Variants in ELF3 observed in about 807,000 individuals in gnomAD.
ELF3 encodes the protein E74 like ETS transcription factor 3, also known as ETS-related transcription factor Elf-3.
A neutral mutation model predicts 43.9 loss-of-function variants in ELF3; 18 were observed. The observed-to-expected ratio is 0.41, with a 90% CI of 0.28 to 0.61. ELF3 has a LOEUF of 0.61. ELF3 is among the 20% of genes least tolerant of loss of function. ELF3 has a pLI of 0.30. For missense variants in ELF3, 373 were observed against 487.7 expected, an observed-to-expected ratio of 0.76 and a Z score of 2.21; for synonymous variants, 181 against 190.2, an observed-to-expected ratio of 0.95 and a Z score of 0.40.
At position 202,013,409 on chromosome 1, in the gene ELF3, C is replaced by A. The variant is rs545922463; in HGVS notation, c.805+111C>A. The A allele has an allele frequency of 8.0e-5, 90 of 1,118,238 alleles. No individual in the cohort carries two copies. The African/African-American group carries it at 1.4e-3, about 17-fold the overall frequency. The allele number at this position is 1,118,238 out of a possible 1,614,324, so 69.3% of individuals were successfully genotyped here. ...CCCGTTTTCTCTGGCCTCCGCATGG[C>A]CTTTGGTAAGGCTGTGCACAAGCTG... On this transcript the variant is annotated intron_variant, in intron 7 of 8. Coordinates refer to ENST00000367284, the MANE Select transcript of ELF3 (RefSeq NM_004433.5). This position sits in a 1 kb window ranked among gnomAD's most constrained non-coding sequence, Gnocchi z 5.7.
chr1:202,013,340 A>G lies in ELF3; in HGVS notation c.805+42A>G. 1 of 1,591,464 alleles carries G rather than the reference A, an allele frequency of 6.3e-7. No individual in the cohort carries two copies. Among genetic ancestry groups the G allele is most frequent in the Non-Finnish European group, 8.6e-7 (1 of 1,163,368 alleles). ...CGTGGGTCCTCCCTGCGCCGGGCTG[A>G]GCGGCTTCCTGGGGCACTGCGGGTT... On this transcript the variant is annotated intron_variant, in intron 7 of 8. Transcript: ENST00000367284. This position sits in a 1 kb window ranked among gnomAD's most constrained non-coding sequence, Gnocchi z 5.7.
rs541987738 is a variant in ELF3 at position 202,015,218 on chromosome 1, C to T, written c.1011C>T (p.Tyr337=). 6 of 1,614,024 alleles carry T rather than the reference C, an allele frequency of 3.7e-6. No homozygotes were observed. The highest frequency in any genetic ancestry group is 5.1e-6 in the Non-Finnish European group (6 of 1,180,026). The change falls in exon 9 of 9, where the codon TAC becomes TAT. Residue 337 remains tyrosine, a synonymous_variant. Transcript: ENST00000367284. ...CCTTCTCTTCACCCAGGTACTACTA[C>T]AAACGGGAGATCCTGGAACGGGTGG... ...EKLSRAMRYY[Y]KREILERVDG...
intron 2 of ELF3, chr1:202,011,506 A>C (rs574455288): frequency 3.7e-4 from 218 of 588,808 alleles, no homozygotes; most frequent in Non-Finnish European, 5.7e-4. Context: ...GGTGTTGTGA[A>C]TGCTACCTCC....
rs917623772 is a variant in ELF3 at position 202,015,249 on chromosome 1, C to T, written c.1042C>T (p.Arg348Trp). Residue 348 changes from arginine to tryptophan, a missense_variant, in exon 9 of 9, where the codon CGG becomes TGG. Physicochemically the swap from Arg to Trp is moderately radical, Grantham distance 101. Around this residue, in one of 3 missense-constraint regions of ELF3, gnomAD observed 61 missense variants for 115.9 expected, o/e 0.53. Transcript: ENST00000367284. ...GGAGATCCTGGAACGGGTGGATGGCCGGCGACTCGTCTACAAGTTTGGCAA... is the reference window on the plus strand; with the variant it reads ...GGAGATCCTGGAACGGGTGGATGGCTGGCGACTCGTCTACAAGTTTGGCAA... ...KREILERVDG[R>W]RLVYKFGKNS... 2 of 1,614,028 alleles carry T rather than the reference C, an allele frequency of 1.2e-6. No homozygotes were observed. Among genetic ancestry groups the T allele is most frequent in the Non-Finnish European group, 8.5e-7 (1 of 1,180,016 alleles).
Position 202,016,926 on chromosome 1 carries a change from C to T in ELF3, c.*1603C>T, listed in dbSNP as rs887163247. ...GAAGCTTTTCCTGGTGTGGGCGCTT[C>T]TAACCTAATCCTCAATCGATTCCAG... is the stretch of plus-strand genomic sequence containing the variant. On this transcript the variant is annotated 3_prime_UTR_variant, in exon 9 of 9. Transcript: ENST00000367284. 1 of 152,200 alleles carries T rather than the reference C, an allele frequency of 6.6e-6. No homozygotes were observed. Among genetic ancestry groups the T allele is most frequent in the Non-Finnish European group, 1.5e-5 (1 of 68,044 alleles). The allele number at this position is 152,200 out of a possible 1,614,324, so 9.4% of individuals were successfully genotyped here.
In ELF3 at chr1:202,013,165, C is replaced by T. The variant is rs1237715192; in HGVS notation, c.689-17C>T. ...CCCCTCTTGCCCCTCCTTGACCTTC[C>T]ACCACCGTCCCCACAGATGGTTTTC... On this transcript the variant is annotated splice_polypyrimidine_tract_variant and intron_variant, in intron 6 of 8. Coordinates refer to ENST00000367284, the MANE Select transcript of ELF3 (RefSeq NM_004433.5). This position sits in a 1 kb window ranked among gnomAD's most constrained non-coding sequence, Gnocchi z 5.7. 2 of 1,613,196 alleles carry T rather than the reference C, an allele frequency of 1.2e-6. No homozygotes were observed. Among genetic ancestry groups the T allele is most frequent in the African/African-American group, 1.3e-5 (1 of 74,896 alleles).
In ELF3 at chr1:202,010,794, T is replaced by A. The variant is rs1684174723; in HGVS notation, c.-9+88T>A. 7.6e-6 allele frequency: 2 copies of A among 263,204 alleles called. No individual in the cohort carries two copies. The highest frequency in any genetic ancestry group is 8.7e-5 in the South Asian group (2 of 22,888). 16.3% of individuals were successfully genotyped at this position (263,204 alleles called of 1,614,324 possible). A position where few individuals can be genotyped will look rare whatever the true frequency, so the allele number is the denominator to read the frequency against. ...GATTTGCAGTTCTGAACCTGCACAC[T>A]CCAGTCTAGGATCTCCGAGCAAGAG... is the stretch of plus-strand genomic sequence containing the variant. On this transcript the variant is annotated intron_variant, in intron 1 of 8. Coordinates refer to ENST00000367284, the MANE Select transcript of ELF3 (RefSeq NM_004433.5). This position sits in a 1 kb window ranked among gnomAD's most constrained non-coding sequence, Gnocchi z 4.3.
rs780777010 is a variant in ELF3, at chr1:202,012,616, T to C, written c.479-24T>C. 6.4e-7 allele frequency: 1 copy of C among 1,563,740 alleles called. No individual in the cohort carries two copies. Among genetic ancestry groups the C allele is most frequent in the Non-Finnish European group, 8.7e-7 (1 of 1,154,672 alleles). The stretch of plus-strand genomic sequence containing the variant: ...CTGGTCTGGTCCCCTGAGCCCTCTC[T>C]GAGTTCTCACCTCCTCTTCCCAGAC... On this transcript the variant is annotated intron_variant, in intron 4 of 8. Transcript: ENST00000367284. This position sits in a 1 kb window ranked among gnomAD's most constrained non-coding sequence, Gnocchi z 4.2.
Position 202,010,892 on chromosome 1 carries a change from G to C in ELF3, c.-9+186G>C. On this transcript the variant is annotated intron_variant, in intron 1 of 8. Coordinates refer to ENST00000367284, the MANE Select transcript of ELF3 (RefSeq NM_004433.5). The surrounding 1 kb of genome is among the most constrained non-coding windows in gnomAD (Gnocchi z 4.3). Reference sequence around the variant, plus strand: ...AGGCAGAATGGCCATGACGCCGCTAGTCTGGCTCCAGGGCCCCAGAGATCT... The same window carrying C: ...AGGCAGAATGGCCATGACGCCGCTACTCTGGCTCCAGGGCCCCAGAGATCT... The C allele has an allele frequency of 1.9e-6, 1 of 524,090 alleles. No individual in the cohort carries two copies. The highest frequency in any genetic ancestry group is 2.2e-5 in the South Asian group (1 of 44,488). The allele number at this position is 524,090 out of a possible 1,614,324, so 32.5% of individuals were successfully genotyped here.
chr1:202,014,035 G>T lies in ELF3; in HGVS notation c.1001+11G>T. The T allele has an allele frequency of 6.2e-7, 1 of 1,601,108 alleles. No individual in the cohort carries two copies. The highest frequency in any genetic ancestry group is 8.5e-7 in the Non-Finnish European group (1 of 1,171,026). On this transcript the variant is annotated intron_variant, in intron 8 of 8. Transcript: ENST00000367284. The stretch of plus-strand genomic sequence containing the variant: ...GAGCCGGGCCATGAGGTGAGCTGGC[G>T]GCCAGGACCCTCACGATACAGCCGG...
At chr1:202,014,199 T>C (rs1009202438) in intron 8 of ELF3, among the ~76,000 whole-genome samples, 175 bp downstream of exon 8, 7 of 152,194 alleles carry the variant, frequency 4.6e-5, no homozygotes, top group African/African-American at 1.7e-4. Context: ...ATGGAGAAAG[T>C]ATTAGCCTGG....
In ELF3 at chr1:202,013,619, C is replaced by A. The variant is rs1348639464; in HGVS notation, c.806-210C>A. ...GCCACTGTCCTGCCCTCTGGGACAC[C>A]CTCAATGTGAGGAGGCAGCTGGTGG... On this transcript the variant is annotated intron_variant, in intron 7 of 8. Transcript: ENST00000367284. The surrounding 1 kb of genome is among the most constrained non-coding windows in gnomAD (Gnocchi z 5.7). 6.6e-6 allele frequency among the ~76,000 whole-genome samples: 1 copy of A among 152,156 alleles called. No homozygotes were observed. Among genetic ancestry groups the A allele is most frequent in the East Asian group, 1.9e-4 (1 of 5,176 alleles).
Position 202,012,578 on chromosome 1 carries a change from A to C in ELF3, c.479-62A>C. 2 of 1,553,384 alleles carry C rather than the reference A, an allele frequency of 1.3e-6. No homozygotes were observed. Among genetic ancestry groups the C allele is most frequent in the Non-Finnish European group, 1.7e-6 (2 of 1,150,572 alleles). The stretch of plus-strand genomic sequence containing the variant: ...GCAGCAGGTCATCAGACCCATGGGC[A>C]GCATCACCTGTCCTGGTCTGGTCCC... On this transcript the variant is annotated intron_variant, in intron 4 of 8. Coordinates refer to ENST00000367284, the MANE Select transcript of ELF3 (RefSeq NM_004433.5). This position sits in a 1 kb window ranked among gnomAD's most constrained non-coding sequence, Gnocchi z 4.2.
chr1:202,010,851 G>T lies in ELF3; in HGVS notation c.-9+145G>T. 1 of 428,938 alleles carries T rather than the reference G, an allele frequency of 2.3e-6. No individual in the cohort carries two copies. The highest frequency in any genetic ancestry group is 2.5e-5 in the South Asian group (1 of 40,310). The allele number at this position is 428,938 out of a possible 1,614,324, so 26.6% of individuals were successfully genotyped here. A position where few individuals can be genotyped will look rare whatever the true frequency, so the allele number is the denominator to read the frequency against. On this transcript the variant is annotated intron_variant, in intron 1 of 8. Coordinates refer to ENST00000367284, the MANE Select transcript of ELF3 (RefSeq NM_004433.5). The surrounding 1 kb of genome is among the most constrained non-coding windows in gnomAD (Gnocchi z 4.3). ...TGTCCTGAGGGTCAAAGAACAGAGAGAGATTGTCTCTGGGAAGGCAGAATG... is the reference window on the plus strand; with the variant it reads ...TGTCCTGAGGGTCAAAGAACAGAGATAGATTGTCTCTGGGAAGGCAGAATG...
rs1265370267 is a variant in ELF3 at position 202,016,870 on chromosome 1, T to C, written c.*1547T>C. On this transcript the variant is annotated 3_prime_UTR_variant, in exon 9 of 9. Coordinates refer to ENST00000367284, the MANE Select transcript of ELF3 (RefSeq NM_004433.5). Reference sequence around the variant, plus strand: ...GATGCAGAAAGAGGTTCCACAGGTGTGCCTTGATTCTGTCCTAAAACCGTT... The same window carrying C: ...GATGCAGAAAGAGGTTCCACAGGTGCGCCTTGATTCTGTCCTAAAACCGTT... 2 of 152,194 alleles carry C rather than the reference T, an allele frequency of 1.3e-5. No individual in the cohort carries two copies. Among genetic ancestry groups the C allele is most frequent in the Non-Finnish European group, 2.9e-5 (2 of 68,048 alleles). The allele number at this position is 152,194 out of a possible 1,614,324, so 9.4% of individuals were successfully genotyped here. A position where few individuals can be genotyped will look rare whatever the true frequency, so the allele number is the denominator to read the frequency against.
chr1:202,015,821 A>G lies in ELF3; in HGVS notation c.*498A>G, dbSNP rs1684299500. 1 of 165,312 alleles carries G rather than the reference A, an allele frequency of 6.0e-6. No individual in the cohort carries two copies. Among genetic ancestry groups the G allele is most frequent in the Admixed American group, 5.5e-5 (1 of 18,038 alleles). 10.2% of individuals were successfully genotyped at this position (165,312 alleles called of 1,614,324 possible). ...AATTTATGTGCTATATAAATATGTC[A>G]GATGTACATAGAGATCTATTTTTTC... On this transcript the variant is annotated 3_prime_UTR_variant, in exon 9 of 9. Transcript: ENST00000367284.
Position 202,013,225 on chromosome 1 carries a change from G to T in ELF3, c.732G>T (p.Lys244Asn), listed in dbSNP as rs1429255331. The T allele has an allele frequency of 6.2e-7, 1 of 1,614,014 alleles. No individual in the cohort carries two copies. The highest frequency in any genetic ancestry group is 8.5e-7 in the Non-Finnish European group (1 of 1,180,020). The change falls in exon 7 of 9, where the codon AAG becomes AAT. Residue 244 changes from lysine to asparagine, a missense_variant. Around this residue, in one of 3 missense-constraint regions of ELF3, gnomAD observed 311 missense variants for 351.2 expected, o/e 0.89. Transcript: ENST00000367284. This position sits in a 1 kb window ranked among gnomAD's most constrained non-coding sequence, Gnocchi z 5.7. ...AGAAGGGGGATCCCAAGCACGGGAA[G>T]CGGAAACGAGGCCGGCCCCGAAAGC... ...DCKKGDPKHG[K>N]RKRGRPRKLS... is the part of the protein sequence containing the mutation.
Position 202,015,750 on chromosome 1 carries a change from C to T in ELF3, c.*427C>T. 1 of 195,804 alleles carries T rather than the reference C, an allele frequency of 5.1e-6. No homozygotes were observed. 12.1% of individuals were successfully genotyped at this position (195,804 alleles called of 1,614,324 possible). ...TTCTTTCTGGACTGGCGTTCACCTC[C>T]CTGCTCAGTGCTTGGGCTCCACGGG... On this transcript the variant is annotated 3_prime_UTR_variant, in exon 9 of 9. Coordinates refer to ENST00000367284, the MANE Select transcript of ELF3 (RefSeq NM_004433.5).
rs140187152 is a variant in ELF3 at position 202,013,190 on chromosome 1, C to T, written c.697C>T (p.Arg233Cys). The T allele has an allele frequency of 5.6e-6, 9 of 1,614,014 alleles. No homozygotes were observed. The East Asian group carries it at 6.7e-5, about 12-fold the overall frequency. ...CACCACCGTCCCCACAGATGGTTTT[C>T]GTGACTGCAAGAAGGGGGATCCCAA... ...DGKLFPSDGF[R>C]DCKKGDPKHG... is the part of the protein sequence containing the mutation. The change falls in exon 7 of 9, where the codon CGT becomes TGT. Residue 233 changes from arginine (R) to cysteine (C), a missense_variant. By Grantham distance (180) the Arg-to-Cys change is radical. Transcript: ENST00000367284. The surrounding 1 kb of genome is among the most constrained non-coding windows in gnomAD (Gnocchi z 5.7).
Sources: gnomAD v4.1 joint callset for allele counts (sites outside exome capture counted in the v4.1 genomes callset) on GRCh38, gnomAD v4.1.1 for gene constraint, gnomAD v4.1.1 regional missense constraint, Gnocchi (gnomAD v3.1) non-coding constraint, MANE v1.5 for transcripts, NCBI Gene and HGNC (gene_info 2026-07-23, HGNC 2026-07-21) for gene names.